The following CCDC102B variants were observed in gnomAD, a reference collection of about 807,000 sequenced individuals.
The protein encoded by CCDC102B is coiled-coil domain containing 102B.
A neutral mutation model predicts 57.4 loss-of-function variants in CCDC102B; 75 were observed. The ratio of observed to expected loss-of-function variants is 1.31; its 90% CI spans 1.08 to 1.58. The LOEUF (loss-of-function observed/expected upper bound fraction) is 1.58, where lower values mean the gene tolerates loss of function less well. Among genes scored for constraint, CCDC102B ranks in the 40% most tolerant of loss-of-function variants. The pLI is 0.00. For missense variants in CCDC102B, 636 were observed against 582.6 expected, an observed-to-expected ratio of 1.09 and a Z score of -0.94; for synonymous variants, 206 against 201.9, an observed-to-expected ratio of 1.02 and a Z score of -0.17.
At chr18:69,035,523 T>C (rs1329558102) in intron 7 of CCDC102B, among the ~76,000 whole-genome samples, 2 of 152,098 alleles carry the variant, frequency 1.3e-5, no homozygotes, top group Non-Finnish European at 2.9e-5. Context: ...AAAGATGTGA[T>C]ATTGGAGGAC....
At chr18:68,816,377 A>G (rs1374033164) in intron 1 of CCDC102B, among the ~76,000 whole-genome samples, 1 of 152,174 alleles carries the variant, frequency 6.6e-6, no homozygotes, top group Non-Finnish European at 1.5e-5. Context: ...AGTCTGGGAA[A>G]AGTAAACTTC....
intron 2 of CCDC102B, among the ~76,000 whole-genome samples, chr18:68,783,551 G>T (rs2035077403): frequency 6.6e-6 from 1 of 152,106 alleles, no homozygotes; most frequent in South Asian, 2.1e-4. Flanking sequence ...CATTGGTTTG[G>T]GTTTACACTG....
At chr18:68,829,315 A>G (rs1467644562) in intron 1 of CCDC102B, among the ~76,000 whole-genome samples, 4 of 152,000 alleles carry the variant, frequency 2.6e-5, no homozygotes, top group Admixed American at 2.0e-4. Flanking sequence ...ATTTGGATAT[A>G]CGCACAGGTA....
chr18:69,002,641 G>A (rs2051235101), intron 6 of CCDC102B, among the ~76,000 whole-genome samples: 2 of 152,126 alleles, frequency 1.3e-5, no homozygotes. Context: ...AATCACAGAT[G>A]AAAATATCGT....
At chr18:68,798,958 A>C (rs987137742) in intron 1 of CCDC102B, among the ~76,000 whole-genome samples, 1 of 152,092 alleles carries the variant, frequency 6.6e-6, no homozygotes, top group Non-Finnish European at 1.5e-5. Context: ...ATATAATTAG[A>C]AATATGTCAG....
At chr18:68,726,653 C>G (rs1340403868) in intron 2 of CCDC102B, among the ~76,000 whole-genome samples, 1 of 152,208 alleles carries the variant, frequency 6.6e-6, no homozygotes, top group Non-Finnish European at 1.5e-5. Flanking sequence ...CAACAATGTG[C>G]ATTCCTGTAG....
upstream of CCDC102B, among the ~76,000 whole-genome samples, chr18:68,796,606 T>C (rs1273063052): frequency 6.6e-6 from 1 of 152,068 alleles, no homozygotes; most frequent in African/African-American, 2.4e-5. Context: ...TGTAGATTTA[T>C]CTAAGAACAT....
chr18:68,798,526 T>C (rs1367542439), intron 1 of CCDC102B: 1 of 152,182 alleles, frequency 6.6e-6, no homozygotes, highest in Non-Finnish European at 1.5e-5. Context: ...TTGTTCCAAA[T>C]GAATGTGAAT....
At chr18:69,012,502 GT>G (rs940070568) in intron 7 of CCDC102B, among the ~76,000 whole-genome samples, 17 of 152,110 alleles carry the variant, frequency 1.1e-4, no homozygotes, top group African/African-American at 3.1e-4. Context: ...GTAGGATTAT[GT>G]TTCCCACATC....
intron 6 of CCDC102B, among the ~76,000 whole-genome samples, chr18:68,942,632 C>T (rs1246195507): frequency 6.6e-6 from 1 of 151,930 alleles, no homozygotes; most frequent in Non-Finnish European, 1.5e-5. Flanking sequence ...GCAGTATTGC[C>T]TCCAGCATGT....
At chr18:69,006,210 C>T (rs1424530718) in intron 6 of CCDC102B, among the ~76,000 whole-genome samples, 2 of 151,934 alleles carry the variant, frequency 1.3e-5, no homozygotes, top group African/African-American at 2.4e-5. Flanking sequence ...AAAGATACTG[C>T]GATTTTAGAT....
intron 6 of CCDC102B, among the ~76,000 whole-genome samples, chr18:69,001,276 C>T (rs949222602): frequency 7.9e-5 from 12 of 151,384 alleles, no homozygotes; most frequent in African/African-American, 2.9e-4. Flanking sequence ...TTTAACTTAC[C>T]TCCGACATAA....
intron 6 of CCDC102B, among the ~76,000 whole-genome samples, chr18:68,939,688 A>G (rs1056237225): frequency 6.6e-6 from 1 of 151,860 alleles, no homozygotes; most frequent in Admixed American, 6.6e-5. Context: ...ATTATGCCAC[A>G]AGCAATTTTT....
chr18:68,731,427 T>C (rs2032857582), intron 2 of CCDC102B, among the ~76,000 whole-genome samples: 1 of 152,120 alleles, frequency 6.6e-6, no homozygotes, highest in Non-Finnish European at 1.5e-5. Flanking sequence ...ACTTGCACAC[T>C]CCCTTATCCT....
At chr18:68,805,423 GC>G (rs1208477435) in intron 1 of CCDC102B, among the ~76,000 whole-genome samples, 2 of 152,140 alleles carry the variant, frequency 1.3e-5, no homozygotes, top group African/African-American at 4.8e-5. Flanking sequence ...CAGACATGGA[GC>G]AGGAAGACAG....
chr18:68,854,621 C>T (rs556099490), intron 4 of CCDC102B, among the ~76,000 whole-genome samples: 51 of 152,128 alleles, frequency 3.4e-4, no homozygotes, highest in Admixed American at 7.2e-4. Context: ...TAATACATGC[C>T]TCTTTGCTTA....
Position 68,726,874 on chromosome 18 carries a change from A to G in CCDC102B, c.-67+10280A>G, listed in dbSNP as rs1433666268. Among the ~76,000 whole-genome samples, 3 of 152,132 alleles carry G rather than the reference A, an allele frequency of 2.0e-5. No homozygotes were observed. The East Asian group carries it at 5.8e-4, about 29-fold the overall frequency. ...GGATCTGATTGCAGATGGTTCATGAACCCTAAACAAATCTAGGACCCTGTA... is the reference window on the plus strand; with the variant it reads ...GGATCTGATTGCAGATGGTTCATGAGCCCTAAACAAATCTAGGACCCTGTA... On this transcript the variant is annotated intron_variant, in intron 2 of 3. Transcript: ENST00000578970.
At chr18:68,977,107 T>C (rs1051573279) in intron 6 of CCDC102B, among the ~76,000 whole-genome samples, 4 of 152,122 alleles carry the variant, frequency 2.6e-5, no homozygotes, top group Non-Finnish European at 2.9e-5. Flanking sequence ...ATTTTAATTA[T>C]GGTTTCTATT....
intron 3 of CCDC102B, among the ~76,000 whole-genome samples, chr18:68,843,349 A>AT (rs1317913387): frequency 6.6e-6 from 1 of 152,070 alleles, no homozygotes; most frequent in Non-Finnish European, 1.5e-5. Context: ...TCATGATTCA[A>AT]TTTTTTTCCA....
Sources: allele counts gnomAD v4.1 joint callset (sites outside exome capture counted in the v4.1 genomes callset), GRCh38; gene constraint gnomAD v4.1.1; transcripts MANE v1.5; gene names NCBI Gene and HGNC (gene_info 2026-07-23, HGNC 2026-07-21).